TNK1: variants seen among roughly 807,000 people sequenced by gnomAD.
TNK1 encodes the protein tyrosine kinase non receptor 1, also known as non-receptor tyrosine-protein kinase TNK1.
Under a neutral mutation model 65.2 loss-of-function variants are expected in TNK1, and 53 were observed. The observed-to-expected ratio is 0.81, with a 90% CI of 0.65 to 1.02. The LOEUF (loss-of-function observed/expected upper bound fraction) is 1.02, where lower values mean the gene tolerates loss of function less well. TNK1 is among the 50% of genes least tolerant of loss of function. The pLI is 0.00. For missense variants in TNK1, 837 were observed against 878.4 expected, an observed-to-expected ratio of 0.95 and a Z score of 0.60; for synonymous variants, 353 against 364.6, an observed-to-expected ratio of 0.97 and a Z score of 0.36.
Position 7,382,601 on chromosome 17 carries a change from C to T in TNK1, c.-91-235C>T, listed in dbSNP as rs766510500. ...CTGGGTGTCCGGGTGTGTGATGTGCCGTGATATTTCAGAGTCAGGATGGTA... is the reference window on the plus strand; with the variant it reads ...CTGGGTGTCCGGGTGTGTGATGTGCTGTGATATTTCAGAGTCAGGATGGTA... On this transcript the variant is annotated intron_variant, in intron 1 of 12. Coordinates refer to ENST00000688331, the MANE Select transcript of TNK1 (RefSeq NM_003985.6). The surrounding 1 kb of genome is among the most constrained non-coding windows in gnomAD (Gnocchi z 4.1). 2.6e-5 allele frequency among the ~76,000 whole-genome samples: 4 copies of T among 152,036 alleles called. No homozygotes were observed. The highest frequency in any genetic ancestry group is 4.4e-5 in the Non-Finnish European group (3 of 68,014).
intron 7 of TNK1, among the ~76,000 whole-genome samples, chr17:7,386,130 G>A (rs1383615485): frequency 6.6e-6 from 1 of 152,194 alleles, no homozygotes; most frequent in Non-Finnish European, 1.5e-5. Context: ...GCGCAAGAAT[G>A]GATTAGAGGG....
chr17:7,384,279 G>C, intron 6 of TNK1, 26 bp downstream of exon 6: 1 of 1,442,644 alleles, frequency 6.9e-7, no homozygotes, highest in Non-Finnish European at 9.0e-7. Flanking sequence ...CGGGCGGTCG[G>C]GCTCTGAGCC....
chr17:7,386,858 G>C, intron 8 of TNK1, 132 bp from the exon 9 acceptor site: 2 of 1,311,086 alleles, frequency 1.5e-6, no homozygotes, highest in African/African-American at 1.5e-5. Context: ...TATTGCATTA[G>C]GGAAAAGGCT....
At position 7,383,003 on chromosome 17, in the gene TNK1, T is replaced by C; in HGVS notation, c.77T>C (p.Ile26Thr). Reference sequence around the variant, plus strand: ...CAGTTGGCCCAGTTTTACTGGCCCATCCTTGAGGAGCTTAATGTCACTCGG... The same window carrying C: ...CAGTTGGCCCAGTTTTACTGGCCCACCCTTGAGGAGCTTAATGTCACTCGG... ...DIQLAQFYWPILEELNVTRPE... is the reference protein window; with the variant it reads ...DIQLAQFYWPTLEELNVTRPE... The change falls in exon 2 of 13, where the codon ATC becomes ACC. Residue 26 changes from isoleucine (I) to threonine (T), a missense_variant. Physicochemically the swap from Ile to Thr is moderately conservative, Grantham distance 89. Coordinates refer to ENST00000688331, the MANE Select transcript of TNK1 (RefSeq NM_003985.6). 6.2e-7 allele frequency: 1 copy of C among 1,614,038 alleles called. No homozygotes were observed. Among genetic ancestry groups the C allele is most frequent in the East Asian group, 2.2e-5 (1 of 44,890 alleles).
In TNK1 at chr17:7,388,091, C is replaced by G. The variant is rs1905292860; in HGVS notation, c.1478-315C>G. On this transcript the variant is annotated intron_variant, in intron 10 of 12. Coordinates refer to ENST00000688331, the MANE Select transcript of TNK1 (RefSeq NM_003985.6). The surrounding 1 kb of genome is among the most constrained non-coding windows in gnomAD (Gnocchi z 4.5). Reference sequence around the variant, plus strand: ...CCAGGGACAGGGCTGGCTAGCTCATCTGCAAATGCTTGCAAAACCATCCAG... The same window carrying G: ...CCAGGGACAGGGCTGGCTAGCTCATGTGCAAATGCTTGCAAAACCATCCAG... Among the ~76,000 whole-genome samples the G allele has an allele frequency of 6.6e-6, 1 of 152,168 alleles. No individual in the cohort carries two copies. Among genetic ancestry groups the G allele is most frequent in the Non-Finnish European group, 1.5e-5 (1 of 68,050 alleles).
At chr17:7,384,300 G>C in intron 6 of TNK1, 47 bp downstream of exon 6, 1 of 1,436,592 alleles carries the variant, frequency 7.0e-7, no homozygotes, top group Non-Finnish European at 9.1e-7. Flanking sequence ...GGGCGGATCC[G>C]GAGGGCAGCA....
chr17:7,381,790 C>A (rs938530228), intron 1 of TNK1, among the ~76,000 whole-genome samples: 4 of 152,204 alleles, frequency 2.6e-5, no homozygotes, highest in Non-Finnish European at 4.4e-5. Context: ...ACCTCGATGT[C>A]TGTGTGTTGT....
In TNK1 at chr17:7,389,262, T is replaced by C; in HGVS notation, c.*178T>C. The C allele has an allele frequency of 3.4e-6, 2 of 589,794 alleles. No individual in the cohort carries two copies. The highest frequency in any genetic ancestry group is 6.0e-6 in the Non-Finnish European group (2 of 331,980). 36.5% of individuals were successfully genotyped at this position (589,794 alleles called of 1,614,324 possible). ...GCCCAGAGTTGGGCACTGGCAAATG[T>C]CTCCTCCCTCCCATGCTCCTTGGCT... On this transcript the variant is annotated 3_prime_UTR_variant, in exon 13 of 13. Coordinates refer to ENST00000688331, the MANE Select transcript of TNK1 (RefSeq NM_003985.6).
chr17:7,384,208 G>T lies in TNK1; in HGVS notation c.821G>T (p.Arg274Leu). 6.6e-7 allele frequency: 1 copy of T among 1,519,732 alleles called. No homozygotes were observed. Among genetic ancestry groups the T allele is most frequent in the Non-Finnish European group, 8.8e-7 (1 of 1,141,532 alleles). The allele number at this position is 1,519,732 out of a possible 1,614,324, so 94.1% of individuals were successfully genotyped here. A position where few individuals can be genotyped will look rare whatever the true frequency, so the allele number is the denominator to read the frequency against. The change falls in exon 6 of 13, where the codon CGG becomes CTG. Residue 274 changes from arginine to leucine, a missense_variant. Transcript: ENST00000688331. ...FGLVRPLGGA[R>L]GRYVMGGPRP... is the part of the protein sequence containing the mutation. ...CTGGTGCGGCCTCTGGGCGGTGCCC[G>T]GGGCCGCTACGTCATGGGCGGGCCC...
Position 7,386,621 on chromosome 17 carries a change from G to T in TNK1, c.1198G>T (p.Glu400Ter). 1 of 1,601,614 alleles carries T rather than the reference G, an allele frequency of 6.2e-7. No homozygotes were observed. Among genetic ancestry groups the T allele is most frequent in the East Asian group, 2.3e-5 (1 of 44,352 alleles). ...CACAGAACCAGGCGCCCTGAGGATG[G>T]AGACTGGTGACCCCATCACAGTCAT... The part of the protein sequence containing the change: ...DVTEPGALRM[E>*]TGDPITVIEG... Residue 400 changes from glutamate (E) to a stop codon, truncating the protein, a stop_gained, in exon 8 of 13, where the codon GAG becomes TAG. Transcript: ENST00000688331. LOFTEE classifies it high-confidence loss of function.
rs1904901585 is a variant in TNK1 at position 7,382,890 on chromosome 17, G to A, written c.-37G>A. 1 of 1,609,906 alleles carries A rather than the reference G, an allele frequency of 6.2e-7. No homozygotes were observed. The highest frequency in any genetic ancestry group is 1.3e-5 in the African/African-American group (1 of 74,868). ...CCTACCCTGAGCTCACCATCTGAAG[G>A]AGAGTGCCATCATCCTTAGGAACTC... On this transcript the variant is annotated 5_prime_UTR_variant, in exon 2 of 13. Transcript: ENST00000688331. This position sits in a 1 kb window ranked among gnomAD's most constrained non-coding sequence, Gnocchi z 4.1.
At position 7,386,612 on chromosome 17, in the gene TNK1, C is replaced by T. The variant is rs766235052; in HGVS notation, c.1189C>T (p.Leu397=). The change falls in exon 8 of 13, where the codon CTG becomes TTG. Residue 397 remains leucine (L), a synonymous_variant. Transcript: ENST00000688331. ...CVRDVTEPGA[L]RMETGDPITV... ...GAGGGATGTCACAGAACCAGGCGCC[C>T]TGAGGATGGAGACTGGTGACCCCAT... The T allele has an allele frequency of 3.7e-6, 6 of 1,603,518 alleles. No homozygotes were observed. Among genetic ancestry groups the T allele is most frequent in the Non-Finnish European group, 5.1e-6 (6 of 1,175,102 alleles).
Position 7,388,283 on chromosome 17 carries a change from G to T in TNK1, c.1478-123G>T. Reference sequence around the variant, plus strand: ...TCTACAAAAATACAAAAATTAGCCAGTCGTAATGGCAGGCACCTATAGTCC... The same window carrying T: ...TCTACAAAAATACAAAAATTAGCCATTCGTAATGGCAGGCACCTATAGTCC... On this transcript the variant is annotated intron_variant, in intron 10 of 12. Coordinates refer to ENST00000688331, the MANE Select transcript of TNK1 (RefSeq NM_003985.6). The surrounding 1 kb of genome is among the most constrained non-coding windows in gnomAD (Gnocchi z 4.5). 1 of 1,016,182 alleles carries T rather than the reference G, an allele frequency of 9.8e-7. No homozygotes were observed. The allele number at this position is 1,016,182 out of a possible 1,614,324, so 62.9% of individuals were successfully genotyped here.
In TNK1 at chr17:7,384,017, C is replaced by A; in HGVS notation, c.630C>A (p.Ala210=). ...GCTCCCTGCACGCGCGCCTAACGGC[C>A]CCGGCCCCGACACCCCCGCTGCTCG... is the stretch of plus-strand genomic sequence containing the variant. ...PLGSLHARLT[A]PAPTPPLLVA... is the part of the protein sequence containing the mutation. The change falls in exon 6 of 13, where the codon GCC becomes GCA. Residue 210 remains alanine (A), a synonymous_variant. Coordinates refer to ENST00000688331, the MANE Select transcript of TNK1 (RefSeq NM_003985.6). The A allele has an allele frequency of 6.6e-7, 1 of 1,505,212 alleles. No individual in the cohort carries two copies. The highest frequency in any genetic ancestry group is 1.3e-5 in the South Asian group (1 of 79,214). 93.2% of individuals were successfully genotyped at this position (1,505,212 alleles called of 1,614,324 possible).
chr17:7,384,317 G>A (rs1167757331), intron 6 of TNK1, 64 bp downstream of exon 6: 3 of 1,434,972 alleles, frequency 2.1e-6, no homozygotes, highest in Admixed American at 2.9e-5. Context: ...AGCAGCCGAG[G>A]GAGATCGGAG....
chr17:7,385,341 G>A (rs1487555640), intron 7 of TNK1, among the ~76,000 whole-genome samples: 1 of 147,368 alleles, frequency 6.8e-6, no homozygotes, highest in African/African-American at 2.5e-5. Context: ...CTCCAGCCTG[G>A]GCAAAAAGAG....
At chr17:7,383,224 C>G (rs761914645) in intron 2 of TNK1, 26 bp from the exon 3 acceptor site, 2 of 1,613,952 alleles carry the variant, frequency 1.2e-6, no homozygotes, top group Non-Finnish European at 1.7e-6. Context: ...CACCTCCACT[C>G]CAGCCCTGAT....
intron 7 of TNK1, 134 bp from the exon 8 acceptor site, chr17:7,386,427 G>T (rs951517266): frequency 1.5e-5 from 10 of 651,094 alleles, no homozygotes; most frequent in Non-Finnish European, 1.9e-5. Flanking sequence ...AATTACAATG[G>T]GGGGACAGGG....
Position 7,389,399 on chromosome 17 carries a change from A to C in TNK1, c.*315A>C, listed in dbSNP as rs569753198. 2.0e-6 allele frequency: 1 copy of C among 494,996 alleles called. No homozygotes were observed. Among genetic ancestry groups the C allele is most frequent in the South Asian group, 4.3e-5 (1 of 23,416 alleles). 30.7% of individuals were successfully genotyped at this position (494,996 alleles called of 1,614,324 possible). A position where few individuals can be genotyped will look rare whatever the true frequency, so the allele number is the denominator to read the frequency against. ...GCTGCTATACATCATATGCAGAGGAAGCTTCTACGCGCTAGAGAGGATCAA... is the reference window on the plus strand; with the variant it reads ...GCTGCTATACATCATATGCAGAGGACGCTTCTACGCGCTAGAGAGGATCAA... On this transcript the variant is annotated 3_prime_UTR_variant, in exon 13 of 13. Coordinates refer to ENST00000688331, the MANE Select transcript of TNK1 (RefSeq NM_003985.6).
Sources: gnomAD v4.1 joint callset for allele counts (sites outside exome capture counted in the v4.1 genomes callset) on GRCh38, gnomAD v4.1.1 for gene constraint, Gnocchi (gnomAD v3.1) non-coding constraint, MANE v1.5 for transcripts, NCBI Gene and HGNC (gene_info 2026-07-23, HGNC 2026-07-21) for gene names.